The following DAB1 variants were observed in gnomAD, a reference collection of about 807,000 sequenced individuals.
DAB1 encodes the protein disabled homolog 1.
In DAB1, 15 loss-of-function variants were observed where a neutral mutation model predicts 64.6. The ratio of observed to expected loss-of-function variants is 0.23; its 90% CI spans 0.16 to 0.36. DAB1 has a LOEUF of 0.36. Ranked by LOEUF, DAB1 falls within the 10% of genes least tolerant of loss-of-function variation. The pLI is 1.00. For missense variants in DAB1, 596 were observed against 706.7 expected (o/e 0.84, Z 1.78); for synonymous variants, 235 against 251.9 (o/e 0.93, Z 0.64).
intron 1 of DAB1, among the ~76,000 whole-genome samples, chr1:57,399,098 T>C (rs1441363739): frequency 6.6e-6 from 1 of 152,226 alleles, no homozygotes. Flanking sequence ...TGAGGAACTT[T>C]TTTTTTCTTC....
intron 3 of DAB1, among the ~76,000 whole-genome samples, chr1:58,388,780 A>G (rs753849667): frequency 3.3e-5 from 5 of 152,286 alleles, no homozygotes; most frequent in Non-Finnish European, 7.4e-5. Context: ...GCAATTTTTT[A>G]CCCTCGGAGT....
chr1:57,258,645 A>G lies in DAB1; in HGVS notation c.67+32319T>C, dbSNP rs1023353862. Among the ~76,000 whole-genome samples the G allele has an allele frequency of 5.3e-5, 8 of 152,152 alleles. No homozygotes were observed. In the South Asian group the frequency reaches 6.2e-4, roughly 12 times the overall value. ...ATTCTACATTTTTGTACTTTGAACT[A>G]CATTTACCATCTGCTAGCCCAATTA... On this transcript the variant is annotated intron_variant, in intron 2 of 14. Coordinates refer to ENST00000371236, the MANE Select transcript of DAB1 (RefSeq NM_001365792.1).
At chr1:58,455,212 C>T (rs898943090) in intron 3 of DAB1, among the ~76,000 whole-genome samples, 4 of 152,238 alleles carry the variant, frequency 2.6e-5, no homozygotes, top group Admixed American at 1.3e-4. Context: ...CATTTAAAAT[C>T]CAGCTATGAC....
chr1:57,148,177 T>C (rs985516826), intron 2 of DAB1, among the ~76,000 whole-genome samples: 1 of 152,148 alleles, frequency 6.6e-6, no homozygotes, highest in Non-Finnish European at 1.5e-5. Flanking sequence ...ATGAGTCAGA[T>C]ACAAAGAAGC....
chr1:57,202,198 T>A (rs758847598), intron 2 of DAB1, among the ~76,000 whole-genome samples: 88 of 152,206 alleles, frequency 5.8e-4, no homozygotes, highest in Non-Finnish European at 1.1e-3. Flanking sequence ...AAAGGCAGAT[T>A]TTTTTAAAAA....
chr1:57,094,870 G>T (rs1343397477), intron 4 of DAB1, among the ~76,000 whole-genome samples: 2 of 152,054 alleles, frequency 1.3e-5, no homozygotes, highest in African/African-American at 4.8e-5. Context: ...ACTTAACTGA[G>T]TCTTAAAGTA....
At chr1:57,438,182 A>G (rs1685767214) in intron 7 of DAB1, among the ~76,000 whole-genome samples, 1 of 152,218 alleles carries the variant, frequency 6.6e-6, no homozygotes, top group Admixed American at 6.5e-5. Context: ...TCTTTGCTAA[A>G]GAATGTCTAA....
intron 11 of DAB1, among the ~76,000 whole-genome samples, chr1:57,017,864 T>C (rs1646485770): frequency 6.6e-6 from 1 of 152,126 alleles, no homozygotes; most frequent in African/African-American, 2.4e-5. Context: ...TGTCTTGTTT[T>C]CTGGTTTACT....
rs141694620 is a variant in DAB1, at chr1:58,125,363, G to T, written n.387+25148C>A. 4.4e-4 allele frequency among the ~76,000 whole-genome samples: 67 copies of T among 151,748 alleles called. 1 individual carries two copies. Among genetic ancestry groups the T allele is most frequent in the Middle Eastern group, 3.5e-3 (1 of 286 alleles). ...ATATAAGTTCCTTTCATTCATTTAA[G>T]AAATCTCTGAGTAGAGTACAATCAT... On this transcript the variant is annotated intron_variant and non_coding_transcript_variant, in intron 5 of 20. Coordinates refer to the DAB1 transcript ENST00000485760.
intron 9 of DAB1, among the ~76,000 whole-genome samples, chr1:57,042,389 C>T (rs1647901504): frequency 1.3e-5 from 2 of 152,286 alleles, no homozygotes; most frequent in South Asian, 2.1e-4. Context: ...ATCATGATTT[C>T]TACTTTTATT....
chr1:58,211,325 G>A (rs946311), intron 4 of DAB1, among the ~76,000 whole-genome samples: 101,792 of 152,070 alleles, frequency 0.67, 36,181 homozygotes, highest in Non-Finnish European at 0.81. Context: ...ATTCAAATCA[G>A]TATGGTGATA....
chr1:57,634,659 T>C (rs986583758), intron 7 of DAB1, among the ~76,000 whole-genome samples: 2 of 152,212 alleles, frequency 1.3e-5, no homozygotes, highest in African/African-American at 4.8e-5. Context: ...TCAACAAATG[T>C]TTATTGTGCA....
intron 4 of DAB1, among the ~76,000 whole-genome samples, chr1:58,205,915 TC>T (rs1658251724): frequency 1.3e-5 from 2 of 152,204 alleles, no homozygotes; most frequent in African/African-American, 4.8e-5. Context: ...AATGCCAAGT[TC>T]ATATCCTTTT....
chr1:57,813,002 C>T (rs1352175858), intron 6 of DAB1, among the ~76,000 whole-genome samples: 1 of 152,130 alleles, frequency 6.6e-6, no homozygotes, highest in Non-Finnish European at 1.5e-5. Context: ...TTTAAAGGAT[C>T]ATATCACACA....
At chr1:57,274,192 G>C (rs1430236761) in intron 2 of DAB1, among the ~76,000 whole-genome samples, 1 of 152,206 alleles carries the variant, frequency 6.6e-6, no homozygotes, top group Non-Finnish European at 1.5e-5. Flanking sequence ...AACCCAATCT[G>C]TTAAAAATTA....
intron 5 of DAB1, among the ~76,000 whole-genome samples, chr1:57,971,907 G>C (rs1645804976): frequency 6.6e-6 from 1 of 152,172 alleles, no homozygotes; most frequent in Non-Finnish European, 1.5e-5. Context: ...ATCAGTTTGT[G>C]AACCCCATTT....
At chr1:57,617,289 G>A (rs190316893) in intron 7 of DAB1, among the ~76,000 whole-genome samples, 13 of 152,168 alleles carry the variant, frequency 8.5e-5, no homozygotes, top group Admixed American at 3.9e-4. Flanking sequence ...GCCAGTGTAC[G>A]AGAGGTTAGC....
At chr1:58,430,764 T>C (rs1326099647) in intron 3 of DAB1, among the ~76,000 whole-genome samples, 1 of 152,202 alleles carries the variant, frequency 6.6e-6, no homozygotes, top group Non-Finnish European at 1.5e-5. Context: ...TGACAAACCT[T>C]GCTTTTCCTA....
intron 3 of DAB1, among the ~76,000 whole-genome samples, chr1:57,144,686 T>G (rs1173488739): frequency 6.8e-6 from 1 of 146,902 alleles, no homozygotes; most frequent in East Asian, 2.0e-4. Context: ...AGAGTGAGAC[T>G]CCTTCTCAAA....
Sources: gnomAD v4.1 joint callset for allele counts (sites outside exome capture counted in the v4.1 genomes callset) on GRCh38, gnomAD v4.1.1 for gene constraint, MANE v1.5 for transcripts, NCBI Gene and HGNC (gene_info 2026-07-23, HGNC 2026-07-21) for gene names.